The following HELZ variants were observed in gnomAD, a reference collection of about 807,000 sequenced individuals.
HELZ encodes ATP-dependent RNA helicase with zinc finger domain.
HELZ carries 23 observed loss-of-function variants against 218.2 expected under a neutral mutation model. That is an observed-to-expected ratio of 0.11 (90% CI 0.08 to 0.15). HELZ has a LOEUF of 0.15. Among genes scored for constraint, HELZ ranks in the 10% least tolerant of loss-of-function variants. The pLI is 1.00. For synonymous variants in HELZ, 814 were observed against 829.4 expected (o/e 0.98, Z 0.32); for missense variants, 1,813 against 2,353.7 (o/e 0.77, Z 4.75).
chr17:67,205,054 T>C (rs2143142974), intron 5 of HELZ, among the ~76,000 whole-genome samples: 1 of 152,258 alleles, frequency 6.6e-6, no homozygotes, highest in African/African-American at 2.4e-5. Flanking sequence ...TCGCCAGGCA[T>C]GGTGGCTCAT....
chr17:67,226,867 TAA>T (rs1598461359), intron 3 of HELZ, among the ~76,000 whole-genome samples: 1 of 152,180 alleles, frequency 6.6e-6, no homozygotes, highest in African/African-American at 2.4e-5. Flanking sequence ...TTATGCCACA[TAA>T]AAGACCCCAG....
chr17:67,154,180 C>G (rs1388580481), intron 17 of HELZ, among the ~76,000 whole-genome samples: 1 of 152,236 alleles, frequency 6.6e-6, no homozygotes, highest in Non-Finnish European at 1.5e-5. Context: ...ATAATCCAAG[C>G]ACTTTGGAAG....
chr17:67,131,290 C>T (rs1227773364), intron 23 of HELZ, among the ~76,000 whole-genome samples: 1 of 152,160 alleles, frequency 6.6e-6, no homozygotes, highest in African/African-American at 2.4e-5. Context: ...CTTTTTAAAA[C>T]TCCATACCCT....
intron 3 of HELZ, among the ~76,000 whole-genome samples, chr17:67,221,847 T>G (rs532927598): frequency 1.0e-3 from 153 of 151,488 alleles, no homozygotes; most frequent in African/African-American, 3.5e-3. Flanking sequence ...TTTGTGTTTT[T>G]TTTTTTTTTT....
chr17:67,076,060 A>G lies in HELZ; in HGVS notation c.*2192T>C, dbSNP rs2036010098. On this transcript the variant is annotated 3_prime_UTR_variant, in exon 33 of 33. Transcript: ENST00000358691. ...ATTCAAGTATAGAAAACAGAAAATT[A>G]GGCAATAACCTCATGACAAGGGGTC... 6.6e-6 allele frequency: 1 copy of G among 152,630 alleles called. No individual in the cohort carries two copies. Among genetic ancestry groups the G allele is most frequent in the African/African-American group, 2.4e-5 (1 of 41,460 alleles). 9.5% of individuals were successfully genotyped at this position (152,630 alleles called of 1,614,324 possible).
At chr17:67,134,766 A>G (rs1470325681) in intron 23 of HELZ, among the ~76,000 whole-genome samples, 2 of 152,158 alleles carry the variant, frequency 1.3e-5, no homozygotes, top group Admixed American at 6.5e-5. Flanking sequence ...AACCTGATTT[A>G]AAGAGTGCCA....
At chr17:67,187,269 A>C in intron 12 of HELZ, among the ~76,000 whole-genome samples, 1 of 152,212 alleles carries the variant, frequency 6.6e-6, no homozygotes. Context: ...AAAACAAGTA[A>C]AAGGGATCAA....
At chr17:67,193,008 T>C (rs999227533) in intron 9 of HELZ, among the ~76,000 whole-genome samples, 8 of 152,084 alleles carry the variant, frequency 5.3e-5, no homozygotes, top group African/African-American at 1.7e-4. Flanking sequence ...CATAAAGTAT[T>C]GTCAACTTCA....
intron 13 of HELZ, among the ~76,000 whole-genome samples, chr17:67,172,802 C>T (rs1302344489): frequency 6.6e-6 from 1 of 152,240 alleles, no homozygotes; most frequent in African/African-American, 2.4e-5. Context: ...GATGGGGTCT[C>T]GCCATGTTGC....
chr17:67,155,706 G>T (rs374002004), intron 17 of HELZ, among the ~76,000 whole-genome samples: 1 of 151,984 alleles, frequency 6.6e-6, no homozygotes, highest in Non-Finnish European at 1.5e-5. Flanking sequence ...GCGTGGTGGC[G>T]TGTGCCTGTA....
Position 67,078,037 on chromosome 17 carries a change from A to T in HELZ, c.*215T>A. ...ATTTAAAAATTTTTTTATTCTACAT[A>T]AAAGCTGTCAAAGTTTTGACACATC... On this transcript the variant is annotated 3_prime_UTR_variant, in exon 33 of 33. Transcript: ENST00000358691. 2.3e-6 allele frequency: 1 copy of T among 433,324 alleles called. No individual in the cohort carries two copies. Among genetic ancestry groups the T allele is most frequent in the South Asian group, 3.7e-5 (1 of 26,866 alleles). The allele number at this position is 433,324 out of a possible 1,614,324, so 26.8% of individuals were successfully genotyped here.
intron 20 of HELZ, among the ~76,000 whole-genome samples, chr17:67,147,541 G>T (rs928560458): frequency 6.6e-6 from 1 of 152,002 alleles, no homozygotes; most frequent in African/African-American, 2.4e-5. Context: ...GCAACGGCAT[G>T]ATCATGGCTC....
Position 67,120,638 on chromosome 17 carries a change from T to C in HELZ, c.3631-26A>G, listed in dbSNP as rs779041015. ...CTAGGTTATTAAAAAATAAAATACA[T>C]GCATTAAGTATATTTTGGAAGGCAA... On this transcript the variant is annotated intron_variant, in intron 26 of 32. Transcript: ENST00000358691. The C allele has an allele frequency of 2.6e-6, 4 of 1,542,464 alleles. No individual in the cohort carries two copies. In the East Asian group the frequency reaches 6.8e-5, roughly 26 times the overall value.
chr17:67,123,038 T>G lies in HELZ; in HGVS notation c.3562A>C (p.Thr1188Pro). Residue 1188 changes from threonine (T) to proline (P), a missense_variant, in exon 26 of 33, where the codon ACT becomes CCT. Thr to Pro is a conservative substitution (Grantham distance 38). Transcript: ENST00000358691. ...PSPVQRIDPH[T>P]GTSILYVPAV... is the part of the protein sequence containing the mutation. ...GGTACATAAAGAATACTTGTCCCAG[T>G]GTGAGGATCTATTCTTTGAACAGGG... The G allele has an allele frequency of 6.2e-7, 1 of 1,613,496 alleles. No homozygotes were observed. Among genetic ancestry groups the G allele is most frequent in the Non-Finnish European group, 8.5e-7 (1 of 1,179,446 alleles).
chr17:67,235,749 C>CTTTTTTT (rs1216322685), intron 3 of HELZ, among the ~76,000 whole-genome samples: 37 of 78,676 alleles, frequency 4.7e-4, no homozygotes, highest in African/African-American at 6.0e-4. Context: ...ACCACACACT[C>CTTTTTTT]TTTTTTTTTT....
intron 13 of HELZ, among the ~76,000 whole-genome samples, chr17:67,175,303 C>G (rs1325925688): frequency 6.6e-6 from 1 of 152,166 alleles, no homozygotes; most frequent in Non-Finnish European, 1.5e-5. Flanking sequence ...TTATCTGACC[C>G]TTTACAGAAA....
intron 31 of HELZ, among the ~76,000 whole-genome samples, chr17:67,099,927 T>C (rs1206958916): frequency 6.6e-6 from 1 of 152,196 alleles, no homozygotes; most frequent in African/African-American, 2.4e-5. Context: ...TAAGCATGAA[T>C]AGAGGTCTAA....
intron 9 of HELZ, among the ~76,000 whole-genome samples, chr17:67,191,315 A>G (rs2039889471): frequency 6.6e-6 from 1 of 152,238 alleles, no homozygotes; most frequent in Non-Finnish European, 1.5e-5. Flanking sequence ...AAATTTATTC[A>G]ACAGTCATGT....
chr17:67,194,161 A>C, intron 8 of HELZ, 119 bp from the exon 9 acceptor site: 2 of 693,420 alleles, frequency 2.9e-6, no homozygotes. Context: ...TGTAAAAAAG[A>C]ACATGACATA....
Sources: allele counts gnomAD v4.1 joint callset (sites outside exome capture counted in the v4.1 genomes callset), GRCh38; gene constraint gnomAD v4.1.1; transcripts MANE v1.5; gene names NCBI Gene and HGNC (gene_info 2026-07-23, HGNC 2026-07-21).